The following DTD1 variants were observed in gnomAD, a reference collection of about 807,000 sequenced individuals.
DTD1 encodes D-aminoacyl-tRNA deacylase 1, also known as D-tyrosyl-tRNA deacylase 1 homolog.
In DTD1, 13 loss-of-function variants were observed where a neutral mutation model predicts 25.6. The ratio of observed to expected loss-of-function variants is 0.51; its 90% confidence interval spans 0.33 to 0.81. DTD1 has a LOEUF of 0.81. Among genes scored for constraint, DTD1 ranks in the 30% least tolerant of loss-of-function variants. The pLI is 0.02. For missense variants in DTD1, 193 were observed against 266.4 expected, an observed-to-expected ratio of 0.72 and a Z score of 1.92; for synonymous variants, 110 against 103.6, an observed-to-expected ratio of 1.06 and a Z score of -0.37.
intron 4 of DTD1, among the ~76,000 whole-genome samples, chr20:18,665,167 G>T (rs1309221898): frequency 1.3e-5 from 2 of 152,168 alleles, no homozygotes; most frequent in Non-Finnish European, 2.9e-5. Context: ...TATCAGTAGT[G>T]TGGGCCATCA....
At chr20:18,728,393 A>G (rs2061229773) in intron 4 of DTD1, among the ~76,000 whole-genome samples, 1 of 152,332 alleles carries the variant, frequency 6.6e-6, no homozygotes, top group East Asian at 1.9e-4. Context: ...TCAGTTTAAG[A>G]TAAGCCCTCT....
At chr20:18,636,373 G>A (rs558261929) in intron 4 of DTD1, among the ~76,000 whole-genome samples, 4 of 152,196 alleles carry the variant, frequency 2.6e-5, no homozygotes, top group Admixed American at 6.5e-5. Flanking sequence ...GTAGAAAAAT[G>A]TTCTGCCAGT....
chr20:18,728,752 C>T (rs2061230826), intron 4 of DTD1, among the ~76,000 whole-genome samples: 1 of 152,146 alleles, frequency 6.6e-6, no homozygotes, highest in Non-Finnish European at 1.5e-5. Context: ...CAAAGCAGTG[C>T]TCATGTGGCA....
At chr20:18,644,888 A>G (rs577588522) in intron 4 of DTD1, among the ~76,000 whole-genome samples, 5 of 152,184 alleles carry the variant, frequency 3.3e-5, no homozygotes, top group Admixed American at 1.3e-4. Flanking sequence ...GCTCACATCT[A>G]TAATCCCAAG....
At chr20:18,739,302 T>C (rs575507482) in intron 4 of DTD1, among the ~76,000 whole-genome samples, 1 of 152,348 alleles carries the variant, frequency 6.6e-6, no homozygotes, top group African/African-American at 2.4e-5. Context: ...AAAACGCTTA[T>C]GTTTTCAGTG....
At chr20:18,713,465 G>C (rs957130905) in intron 4 of DTD1, among the ~76,000 whole-genome samples, 2 of 152,178 alleles carry the variant, frequency 1.3e-5, no homozygotes, top group Admixed American at 1.3e-4. Flanking sequence ...CCCTGGAAGG[G>C]ACCTGACAGG....
At chr20:18,722,173 C>T (rs1456441032) in intron 4 of DTD1, among the ~76,000 whole-genome samples, 1 of 152,216 alleles carries the variant, frequency 6.6e-6, no homozygotes, top group East Asian at 1.9e-4. Flanking sequence ...TCTAGCTATG[C>T]CCTTTCCTTT....
At chr20:18,626,560 T>C (rs1368066942) in intron 3 of DTD1, among the ~76,000 whole-genome samples, 1 of 152,242 alleles carries the variant, frequency 6.6e-6, no homozygotes, top group African/African-American at 2.4e-5. Context: ...CCAGATGTCA[T>C]TTTATAGATA....
chr20:18,752,711 T>C (rs112014515), intron 5 of DTD1, among the ~76,000 whole-genome samples: 1 of 152,234 alleles, frequency 6.6e-6, no homozygotes, highest in African/African-American at 2.4e-5. Flanking sequence ...TTGGGTCCGC[T>C]GACCTTGAAT....
intron 4 of DTD1, among the ~76,000 whole-genome samples, chr20:18,641,521 T>TG (rs2060828196): frequency 5.3e-5 from 8 of 149,590 alleles, no homozygotes; most frequent in Non-Finnish European, 4.5e-5. Context: ...GTATGTGTGT[T>TG]TGTGTGTGTG....
At chr20:18,716,618 A>G (rs2061181769) in intron 4 of DTD1, among the ~76,000 whole-genome samples, 1 of 152,212 alleles carries the variant, frequency 6.6e-6, no homozygotes. Context: ...TAAAAATAGT[A>G]AGATAGGCCA....
intron 4 of DTD1, among the ~76,000 whole-genome samples, chr20:18,735,180 T>A (rs2061251094): frequency 6.6e-6 from 1 of 152,256 alleles, no homozygotes. Context: ...CTTTGTGGGA[T>A]TTGAGTTCTT....
At chr20:18,645,590 A>G (rs999032024) in intron 4 of DTD1, among the ~76,000 whole-genome samples, 6 of 152,244 alleles carry the variant, frequency 3.9e-5, no homozygotes, top group African/African-American at 1.4e-4. Flanking sequence ...GCCTGTTAAT[A>G]GTGGAATACT....
At chr20:18,595,941 G>A in intron 2 of DTD1, 65 bp from the exon 3 acceptor site, 1 of 1,388,040 alleles carries the variant, frequency 7.2e-7, no homozygotes, top group Non-Finnish European at 1.0e-6. Context: ...ACATTTTTGG[G>A]GTATGGAGTG....
rs573840946 is a variant in DTD1, at chr20:18,636,104, G to T, written c.477+7871G>T. Among the ~76,000 whole-genome samples the T allele has an allele frequency of 4.6e-5, 7 of 152,066 alleles. No homozygotes were observed. In the South Asian group the frequency reaches 1.5e-3, roughly 32 times the overall value. On this transcript the variant is annotated intron_variant, in intron 4 of 5. Transcript: ENST00000377452. ...TTGTTTGTTCCTGTATATGTGTTTT[G>T]GGCAGATTCCTAGTTATTTTAATCT... is the stretch of plus-strand genomic sequence containing the variant.
intron 3 of DTD1, among the ~76,000 whole-genome samples, chr20:18,600,484 A>G (rs1271632424): frequency 6.6e-6 from 1 of 152,102 alleles, no homozygotes; most frequent in East Asian, 1.9e-4. Context: ...CATTGATACC[A>G]CACTGTCTTA....
intron 2 of DTD1, among the ~76,000 whole-genome samples, chr20:18,595,106 A>G (rs1568639172): frequency 6.6e-6 from 1 of 152,202 alleles, no homozygotes; most frequent in Non-Finnish European, 1.5e-5. Context: ...CACCTGGTCA[A>G]CTTTCTTGCC....
intron 4 of DTD1, among the ~76,000 whole-genome samples, chr20:18,639,719 A>G (rs1412049931): frequency 6.6e-6 from 1 of 152,244 alleles, no homozygotes; most frequent in Non-Finnish European, 1.5e-5. Context: ...ACTATTTTCC[A>G]TAAAATGTGA....
intron 5 of DTD1, among the ~76,000 whole-genome samples, chr20:18,751,086 G>GTGTGTGTGTGT (rs1177209253): frequency 1.9e-4 from 16 of 86,356 alleles, no homozygotes; most frequent in Non-Finnish European, 4.4e-4. Flanking sequence ...TGTGTGTGTG[G>GTGTGTGTGTGT]GTGTGTGTTT....
Sources: allele counts gnomAD v4.1 joint callset (sites outside exome capture counted in the v4.1 genomes callset), GRCh38; gene constraint gnomAD v4.1.1; transcripts MANE v1.5; gene names NCBI Gene and HGNC (gene_info 2026-07-23, HGNC 2026-07-21).